CACNA1B: variants seen among roughly 807,000 people sequenced by gnomAD.
CACNA1B encodes the protein calcium voltage-gated channel subunit alpha1 B.
CACNA1B carries 70 observed loss-of-function variants against 247.2 expected under a neutral mutation model. The observed-to-expected ratio is 0.28, with a 90% confidence interval of 0.23 to 0.35. The LOEUF (loss-of-function observed/expected upper bound fraction) is 0.35, where lower values mean the gene tolerates loss of function less well. CACNA1B is among the 10% of genes least tolerant of loss of function. The pLI, the probability that CACNA1B is intolerant of heterozygous loss-of-function variation, is 1.00. For missense variants in CACNA1B, 2,367 were observed against 3,197.4 expected (o/e 0.74, Z 6.26); for synonymous variants, 1,231 against 1,294.4 (o/e 0.95, Z 1.05).
chr9:138,096,176 C>T (rs1019578721), intron 36 of CACNA1B, among the ~76,000 whole-genome samples: 103 of 151,976 alleles, frequency 6.8e-4, no homozygotes, highest in African/African-American at 2.2e-3. Context: ...CTGCACGTCA[C>T]GGATTTCATG....
At chr9:137,959,585 A>G (rs1564208385) in intron 10 of CACNA1B, among the ~76,000 whole-genome samples, 1 of 143,704 alleles carries the variant, frequency 7.0e-6, no homozygotes, top group African/African-American at 2.5e-5. Context: ...TCCAAAAAAG[A>G]AAAAAAAAAA....
chr9:137,932,828 G>A (rs546175790), intron 6 of CACNA1B, among the ~76,000 whole-genome samples: 6 of 152,292 alleles, frequency 3.9e-5, no homozygotes, highest in Non-Finnish European at 7.4e-5. Context: ...TAAATGATGC[G>A]GTTTGGGTAA....
rs1459015956 is a variant in CACNA1B, at chr9:137,913,100, C to G, written c.531-80C>G. Reference sequence around the variant, plus strand: ...TGTCACTGCTCTTGGGAGACATGACCCTGGTGGTGGGAGGAGTGTGTCCTC... The same window carrying G: ...TGTCACTGCTCTTGGGAGACATGACGCTGGTGGTGGGAGGAGTGTGTCCTC... On this transcript the variant is annotated intron_variant, in intron 3 of 46. Transcript: ENST00000371372. This position sits in a 1 kb window ranked among gnomAD's most constrained non-coding sequence, Gnocchi z 5.2. 3.7e-6 allele frequency: 4 copies of G among 1,095,126 alleles called. No individual in the cohort carries two copies. The Admixed American group carries it at 5.6e-5, about 15-fold the overall frequency. 67.8% of individuals were successfully genotyped at this position (1,095,126 alleles called of 1,614,324 possible).
chr9:138,006,363 T>C (rs1589062874), intron 15 of CACNA1B, among the ~76,000 whole-genome samples: 1 of 152,144 alleles, frequency 6.6e-6, no homozygotes, highest in South Asian at 2.1e-4. Context: ...TTCTGCTGGG[T>C]GGCCGTGTGC....
At chr9:137,947,975 CTTTTTTTTTT>C (rs71387878) in intron 6 of CACNA1B, among the ~76,000 whole-genome samples, 8 of 79,442 alleles carry the variant, frequency 1.0e-4, no homozygotes, top group South Asian at 4.7e-4. Flanking sequence ...TTCAGCATTC[CTTTTTTTTTT>C]TTTTTTTTTT....
intron 3 of CACNA1B, among the ~76,000 whole-genome samples, chr9:137,900,724 G>A (rs551743033): frequency 4.2e-4 from 60 of 143,116 alleles, no homozygotes; most frequent in Admixed American, 8.4e-4. Context: ...TGTCTGTGCC[G>A]TGTGTCTCTG....
chr9:137,923,286 G>A (rs1022557300), intron 6 of CACNA1B, among the ~76,000 whole-genome samples: 1 of 148,818 alleles, frequency 6.7e-6, no homozygotes, highest in Admixed American at 6.7e-5. Flanking sequence ...CATGGTGCCA[G>A]GTGGTATTCC....
rs1395077683 is a variant in CACNA1B, at chr9:138,023,417, C to T, written c.2674C>T (p.His892Tyr). The stretch of plus-strand genomic sequence containing the variant: ...GGAGCGGCCGCGGCCGCACCGCAGC[C>T]ACAGCAAGGAGGCCGCGGGGCCCCC... ...REERPRPHRS[H>Y]SKEAAGPPEA... The change falls in exon 19 of 47, where the codon CAC becomes TAC. Residue 892 changes from histidine (H) to tyrosine (Y), a missense_variant. Transcript: ENST00000371372. 3.8e-6 allele frequency: 5 copies of T among 1,316,996 alleles called. No individual in the cohort carries two copies. The highest frequency in any genetic ancestry group is 3.8e-6 in the Non-Finnish European group (4 of 1,039,870). The allele number at this position is 1,316,996 out of a possible 1,614,324, so 81.6% of individuals were successfully genotyped here. A position where few individuals can be genotyped will look rare whatever the true frequency, so the allele number is the denominator to read the frequency against.
chr9:138,106,495 C>T (rs1961432129), intron 39 of CACNA1B, among the ~76,000 whole-genome samples: 2 of 152,328 alleles, frequency 1.3e-5, no homozygotes, highest in Middle Eastern at 3.4e-3. Context: ...GTTCGCTGGG[C>T]GCGGTGGCTC....
chr9:137,918,121 TCTC>T (rs1957433404), intron 6 of CACNA1B, among the ~76,000 whole-genome samples: 1 of 152,102 alleles, frequency 6.6e-6, no homozygotes, highest in South Asian at 2.1e-4. Context: ...TCCTCTTTGG[TCTC>T]CTCGCTCTCA....
chr9:138,048,320 GC>G (rs1352080241), intron 23 of CACNA1B, among the ~76,000 whole-genome samples: 1 of 152,212 alleles, frequency 6.6e-6, no homozygotes, highest in Non-Finnish European at 1.5e-5. Context: ...GAGCTTGCCT[GC>G]AGGGGATCTG....
At chr9:137,937,202 G>A (rs1370590279) in intron 6 of CACNA1B, among the ~76,000 whole-genome samples, 3 of 151,790 alleles carry the variant, frequency 2.0e-5, no homozygotes, top group Non-Finnish European at 2.9e-5. Context: ...TTCACTTGAG[G>A]GGGTAAATTT....
chr9:138,102,476 G>T lies in CACNA1B; in HGVS notation c.5223-235G>T, dbSNP rs1205659858. On this transcript the variant is annotated intron_variant, in intron 37 of 46. Coordinates refer to ENST00000371372, the MANE Select transcript of CACNA1B (RefSeq NM_000718.4). This position sits in a 1 kb window ranked among gnomAD's most constrained non-coding sequence, Gnocchi z 5.4. ...CCACTGCCCCGCGTGGGGCTGGAGT[G>T]AGGAGGTGAGGCTCGGGGGTGGGGG... Among the ~76,000 whole-genome samples, 1 of 152,162 alleles carries T rather than the reference G, an allele frequency of 6.6e-6. No homozygotes were observed. The highest frequency in any genetic ancestry group is 6.5e-5 in the Admixed American group (1 of 15,278).
chr9:138,065,995 C>T (rs934895405), intron 31 of CACNA1B, among the ~76,000 whole-genome samples: 7 of 152,200 alleles, frequency 4.6e-5, no homozygotes, highest in South Asian at 2.1e-4. Context: ...TCCTTAGAGT[C>T]GGCTTCCAAG....
intron 6 of CACNA1B, among the ~76,000 whole-genome samples, chr9:137,922,702 A>G (rs1206086927): frequency 2.0e-5 from 3 of 152,210 alleles, no homozygotes; most frequent in Non-Finnish European, 4.4e-5. Context: ...TAAACTTTTA[A>G]TTTAAGATAA....
In CACNA1B at chr9:138,007,525, C is replaced by T. The variant is rs1218026810; in HGVS notation, c.2092+641C>T. Among the ~76,000 whole-genome samples, 1 of 152,096 alleles carries T rather than the reference C, an allele frequency of 6.6e-6. No individual in the cohort carries two copies. Among genetic ancestry groups the T allele is most frequent in the Non-Finnish European group, 1.5e-5 (1 of 68,008 alleles). On this transcript the variant is annotated intron_variant, in intron 16 of 46. Coordinates refer to ENST00000371372, the MANE Select transcript of CACNA1B (RefSeq NM_000718.4). The surrounding 1 kb of genome is among the most constrained non-coding windows in gnomAD (Gnocchi z 4.1). ...TATGACAGGCAGTGTGAGTGGGTCC[C>T]CCTGTAGCTGGGGTGGGAAGTTCAG... is the stretch of plus-strand genomic sequence containing the variant.
In CACNA1B at chr9:138,102,496, TG is replaced by T. The variant is rs1961285351; in HGVS notation, c.5223-209del. ...GGAGTGAGGAGGTGAGGCTCGGGGG[TG>T]GGGGGCCAGGAGGGGGTCAAGCCAA... On this transcript the variant is annotated intron_variant, in intron 37 of 46. Coordinates refer to ENST00000371372, the MANE Select transcript of CACNA1B (RefSeq NM_000718.4). The surrounding 1 kb of genome is among the most constrained non-coding windows in gnomAD (Gnocchi z 5.4). 6.6e-6 allele frequency among the ~76,000 whole-genome samples: 1 copy of T among 151,482 alleles called. No individual in the cohort carries two copies. Among genetic ancestry groups the T allele is most frequent in the Non-Finnish European group, 1.5e-5 (1 of 67,836 alleles).
chr9:138,037,349 T>C (rs1959059096), intron 20 of CACNA1B, among the ~76,000 whole-genome samples: 1 of 152,188 alleles, frequency 6.6e-6, no homozygotes, highest in South Asian at 2.1e-4. Context: ...AACCAAAGGA[T>C]GTCTAGAGAC....
At position 137,955,983 on chromosome 9, in the gene CACNA1B, C is replaced by T. The variant is rs1006464294; in HGVS notation, c.1186+170C>T. Among the ~76,000 whole-genome samples, 9 of 152,190 alleles carry T rather than the reference C, an allele frequency of 5.9e-5. No individual in the cohort carries two copies. The highest frequency in any genetic ancestry group is 2.0e-4 in the Admixed American group (3 of 15,286). The stretch of plus-strand genomic sequence containing the variant: ...CTCTCTAGCTCACCCAGGGGCCTGG[C>T]ACCAGGCAGCCATATGGCTCTGAGG... On this transcript the variant is annotated intron_variant, in intron 8 of 46. Transcript: ENST00000371372. The surrounding 1 kb of genome is among the most constrained non-coding windows in gnomAD (Gnocchi z 6.9).
Sources: allele counts gnomAD v4.1 joint callset (sites outside exome capture counted in the v4.1 genomes callset), GRCh38; gene constraint gnomAD v4.1.1; non-coding constraint Gnocchi (gnomAD v3.1); transcripts MANE v1.5; gene names NCBI Gene and HGNC (gene_info 2026-07-23, HGNC 2026-07-21).